The following KIAA0753 variants were observed in gnomAD, a reference collection of about 807,000 sequenced individuals.
KIAA0753 encodes the protein KIAA0753, also known as protein moonraker.
KIAA0753 carries 114 observed loss-of-function variants against 116.9 expected under a neutral mutation model. The observed-to-expected ratio is 0.98, with a 90% confidence interval of 0.84 to 1.14. The LOEUF (loss-of-function observed/expected upper bound fraction) is 1.14. Ranked by LOEUF, KIAA0753 falls within the 50% of genes most tolerant of loss-of-function variation. The pLI is 0.00. For missense variants in KIAA0753, 1,156 were observed against 1,172.4 expected (o/e 0.99, Z 0.20); for synonymous variants, 405 against 413.1 (o/e 0.98, Z 0.24).
At position 6,620,977 on chromosome 17, in the gene KIAA0753, T is replaced by G; in HGVS notation, c.1126A>C (p.Lys376Gln). ...QIEALESLLE[K>Q]KLSPKKVKKC... Reference sequence around the variant, plus strand: ...TTCACCTTTTTTGGTGACAGTTTCTTTTCCAGGAGAGATTCCAAAGCCTGC... The same window carrying G: ...TTCACCTTTTTTGGTGACAGTTTCTGTTCCAGGAGAGATTCCAAAGCCTGC... The change falls in exon 7 of 19, where the codon AAG (lysine) becomes CAG (glutamine). Residue 376 changes from lysine (K) to glutamine (Q), a missense_variant. By Grantham distance (53) the Lys-to-Gln change is moderately conservative. Transcript: ENST00000361413. The G allele has an allele frequency of 6.2e-7, 1 of 1,613,560 alleles. No homozygotes were observed. Among genetic ancestry groups the G allele is most frequent in the African/African-American group, 1.3e-5 (1 of 75,050 alleles).
Position 6,612,092 on chromosome 17 carries a change from CA to C in KIAA0753, c.1371del (p.Asp458MetfsTer3). 1 of 1,614,194 alleles carries C rather than the reference CA, an allele frequency of 6.2e-7. No individual in the cohort carries two copies. On this transcript the variant is annotated frameshift_variant, in exon 8 of 19. Coordinates refer to ENST00000361413, the MANE Select transcript of KIAA0753 (RefSeq NM_014804.3). LOFTEE classifies it high-confidence loss of function. ...LPETQRLQSE[L>X]DVLDADIVLE... Reference sequence around the variant, plus strand: ...AGAACTATATCCGCATCTAATACATCAAGCTCACTCTGCAACCTCTGGGTCT... The same window carrying C: ...AGAACTATATCCGCATCTAATACATCAGCTCACTCTGCAACCTCTGGGTCT...
At chr17:6,635,664 C>A (rs7209944) in intron 1 of KIAA0753, 14,872 of 152,590 alleles carry the variant, frequency 0.097, 757 homozygotes, top group African/African-American at 0.12. Context: ...CGATTCAAGC[C>A]AGGATCTGCC....
intron 10 of KIAA0753, 42 bp from the exon 11 acceptor site, chr17:6,607,312 A>T: frequency 6.7e-7 from 1 of 1,499,266 alleles, no homozygotes; most frequent in Non-Finnish European, 9.3e-7. Flanking sequence ...CTGCCTCGAC[A>T]CTGCAGGGTG....
At chr17:6,616,791 A>G (rs972709844) in intron 7 of KIAA0753, among the ~76,000 whole-genome samples, 3 of 152,168 alleles carry the variant, frequency 2.0e-5, no homozygotes, top group African/African-American at 7.2e-5. Context: ...GTGCCACTGC[A>G]CTCCAGCCTG....
At chr17:6,580,248 C>T (rs1050377668) in intron 18 of KIAA0753, among the ~76,000 whole-genome samples, 38 of 151,676 alleles carry the variant, frequency 2.5e-4, no homozygotes, top group Non-Finnish European at 5.4e-4. Context: ...TTTTACTCAG[C>T]TGTGGAAATT....
chr17:6,611,748 A>C (rs1970559531), intron 8 of KIAA0753, among the ~76,000 whole-genome samples, 171 bp downstream of exon 8: 1 of 152,208 alleles, frequency 6.6e-6, no homozygotes, highest in African/African-American at 2.4e-5. Context: ...TCTAGTAACA[A>C]TATTAAAAAT....
At chr17:6,592,776 G>A (rs1465852523) in intron 16 of KIAA0753, among the ~76,000 whole-genome samples, 1 of 151,994 alleles carries the variant, frequency 6.6e-6, no homozygotes, top group East Asian at 1.9e-4. Flanking sequence ...TTAGGTCATA[G>A]AAAGCAAAAA....
At chr17:6,591,790 G>C (rs1265209540) in intron 16 of KIAA0753, among the ~76,000 whole-genome samples, 2 of 152,330 alleles carry the variant, frequency 1.3e-5, no homozygotes, top group Admixed American at 6.5e-5. Context: ...ACCTCTCCTC[G>C]GCTTCCACAC....
chr17:6,610,824 C>T (rs911150957), intron 8 of KIAA0753, among the ~76,000 whole-genome samples: 2 of 152,130 alleles, frequency 1.3e-5, no homozygotes, highest in African/African-American at 4.8e-5. Flanking sequence ...TAGAATGAAT[C>T]TAGCGATTTA....
At chr17:6,598,563 T>C (rs9904117) in intron 14 of KIAA0753, among the ~76,000 whole-genome samples, 4,010 of 152,290 alleles carry the variant, frequency 0.026, 187 homozygotes, top group African/African-American at 0.091. Context: ...TTTTCCTTGC[T>C]CTGGGCAATT....
At chr17:6,620,477 A>T (rs936926009) in intron 7 of KIAA0753, among the ~76,000 whole-genome samples, 1 of 151,612 alleles carries the variant, frequency 6.6e-6, no homozygotes, top group Non-Finnish European at 1.5e-5. Flanking sequence ...CTGTGTGTGT[A>T]CATATCTCTG....
At chr17:6,607,303 T>C in intron 10 of KIAA0753, 33 bp from the exon 11 acceptor site, 1 of 1,567,722 alleles carries the variant, frequency 6.4e-7, no homozygotes, top group South Asian at 1.1e-5. Flanking sequence ...AAACCAATTC[T>C]GCCTCGACAC....
intron 9 of KIAA0753, among the ~76,000 whole-genome samples, chr17:6,609,259 T>G (rs1970385086): frequency 6.6e-6 from 1 of 152,208 alleles, no homozygotes; most frequent in Non-Finnish European, 1.5e-5. Context: ...CTGACATGAC[T>G]GCTTTTTACT....
chr17:6,633,932 A>G (rs1209281585), intron 2 of KIAA0753, among the ~76,000 whole-genome samples: 1 of 152,162 alleles, frequency 6.6e-6, no homozygotes, highest in African/African-American at 2.4e-5. Context: ...CTAGGATAAC[A>G]GAAATGATCT....
intron 3 of KIAA0753, 40 bp from the exon 4 acceptor site, chr17:6,624,901 A>G (rs1413652908): frequency 7.6e-7 from 1 of 1,308,560 alleles, no homozygotes; most frequent in Non-Finnish European, 1.1e-6. Flanking sequence ...TGGATTATAA[A>G]CCATATATTA....
intron 14 of KIAA0753, among the ~76,000 whole-genome samples, chr17:6,598,083 A>C (rs1258244357): frequency 6.6e-6 from 1 of 152,208 alleles, no homozygotes; most frequent in Non-Finnish European, 1.5e-5. Context: ...AAATAATTCT[A>C]ATATACAAGG....
intron 17 of KIAA0753, 128 bp from the exon 18 acceptor site, chr17:6,590,131 T>C: frequency 1.3e-6 from 1 of 772,610 alleles, no homozygotes; most frequent in Non-Finnish European, 2.0e-6. Flanking sequence ...TGAACAAAAC[T>C]GAACAACCTA....
intron 14 of KIAA0753, among the ~76,000 whole-genome samples, chr17:6,598,613 T>C (rs1389014655): frequency 6.6e-6 from 1 of 152,240 alleles, no homozygotes; most frequent in Non-Finnish European, 1.5e-5. Context: ...AAAGATTAAA[T>C]GGATGCAACT....
At position 6,621,087 on chromosome 17, in the gene KIAA0753, A is replaced by C. The variant is rs1037538466; in HGVS notation, c.1105-89T>G. The C allele has an allele frequency of 7.6e-6, 9 of 1,183,762 alleles. No homozygotes were observed. In the African/African-American group the frequency reaches 1.1e-4, roughly 14 times the overall value. 73.3% of individuals were successfully genotyped at this position (1,183,762 alleles called of 1,614,324 possible). ...AAACTGAAAATAAGGACTCCAGGGAAATGTGTTATTAAATGGCTATCTCTA... is the reference window on the plus strand; with the variant it reads ...AAACTGAAAATAAGGACTCCAGGGACATGTGTTATTAAATGGCTATCTCTA... On this transcript the variant is annotated intron_variant, in intron 6 of 18. Transcript: ENST00000361413.
Sources: allele counts gnomAD v4.1 joint callset (sites outside exome capture counted in the v4.1 genomes callset), GRCh38; gene constraint gnomAD v4.1.1; transcripts MANE v1.5; gene names NCBI Gene and HGNC (gene_info 2026-07-23, HGNC 2026-07-21).